Variants in RSPO3 observed in about 807,000 individuals in gnomAD.
The protein encoded by RSPO3 is R-spondin 3, also known as R-spondin-3.
A neutral mutation model predicts 36.5 loss-of-function variants in RSPO3; 17 were observed. The ratio of observed to expected loss-of-function variants is 0.47; its 90% CI spans 0.32 to 0.70. The LOEUF (loss-of-function observed/expected upper bound fraction) is 0.70, where lower values mean the gene tolerates loss of function less well. Ranked by LOEUF, RSPO3 falls within the 30% of genes least tolerant of loss-of-function variation. The pLI is 0.04. For missense variants in RSPO3, 294 were observed against 322.5 expected, an observed-to-expected ratio of 0.91 and a Z score of 0.68; for synonymous variants, 108 against 107.0, an observed-to-expected ratio of 1.01 and a Z score of -0.06.
At position 127,155,171 on chromosome 6, in the gene RSPO3, CTTT is replaced by C. The variant is rs1774567788; in HGVS notation, c.437-65_437-63del. ...TGGGCAAGTTCTGATGGAAGCAAATCTTTTTTTAACTCAACAATAGTGAAAGTG... is the reference window on the plus strand; with the variant it reads ...TGGGCAAGTTCTGATGGAAGCAAATCTTTTAACTCAACAATAGTGAAAGTG... On this transcript the variant is annotated intron_variant, in intron 3 of 4. Transcript: ENST00000356698. The C allele has an allele frequency of 2.7e-6, 4 of 1,493,960 alleles. No homozygotes were observed. The Admixed American group carries it at 5.1e-5, about 19-fold the overall frequency. 92.5% of individuals were successfully genotyped at this position (1,493,960 alleles called of 1,614,324 possible).
chr6:127,142,506 A>T (rs1774293372), intron 1 of RSPO3, among the ~76,000 whole-genome samples: 1 of 152,218 alleles, frequency 6.6e-6, no homozygotes. Context: ...CTTCGTACTA[A>T]TCAAGTCCCA....
intron 1 of RSPO3, among the ~76,000 whole-genome samples, chr6:127,145,410 A>G (rs1774363725): frequency 6.6e-6 from 1 of 152,068 alleles, no homozygotes; most frequent in African/African-American, 2.4e-5. Context: ...TCCAATTCAA[A>G]TCTTAAATTT....
At chr6:127,144,223 G>C (rs1042759574) in intron 1 of RSPO3, among the ~76,000 whole-genome samples, 1 of 152,056 alleles carries the variant, frequency 6.6e-6, no homozygotes, top group African/African-American at 2.4e-5. Context: ...CTGTGTATGT[G>C]ACACATTTTT....
At chr6:127,177,175 TA>T (rs1439114449) in intron 4 of RSPO3, among the ~76,000 whole-genome samples, 1 of 151,868 alleles carries the variant, frequency 6.6e-6, no homozygotes, top group Non-Finnish European at 1.5e-5. Context: ...TTTCAAAGAA[TA>T]ACAAATAACC....
At chr6:127,168,178 A>C (rs557455248) in intron 4 of RSPO3, among the ~76,000 whole-genome samples, 1 of 152,250 alleles carries the variant, frequency 6.6e-6, no homozygotes, top group East Asian at 1.9e-4. Flanking sequence ...GAATCGCCAC[A>C]CTGTCTTCCA....
At position 127,195,876 on chromosome 6, in the gene RSPO3, G is replaced by T. The variant is rs757955879; in HGVS notation, c.688G>T (p.Glu230Ter). The T allele has an allele frequency of 4.4e-6, 7 of 1,608,264 alleles. No homozygotes were observed. In the Admixed American group the frequency reaches 1.2e-4, roughly 27 times the overall value. ...AAAACCTAATAAAGGAGAAAGTAAA[G>T]AAGCAATACCTGACAGCAAAAGTCT... Reference protein sequence around the residue: ...RKKPNKGESKEAIPDSKSLES... With the variant: ...RKKPNKGESK The change falls in exon 5 of 5, where the codon GAA (glutamate) becomes TAA (stop). Residue 230 changes from glutamate (E) to a stop codon, truncating the protein, a stop_gained. Transcript: ENST00000356698. LOFTEE classifies it high-confidence loss of function.
In RSPO3 at chr6:127,198,556, T is replaced by C. The variant is rs972863162; in HGVS notation, c.*2549T>C. Among the ~76,000 whole-genome samples, 1 of 152,210 alleles carries C rather than the reference T, an allele frequency of 6.6e-6. No individual in the cohort carries two copies. The highest frequency in any genetic ancestry group is 1.5e-5 in the Non-Finnish European group (1 of 68,044). The stretch of plus-strand genomic sequence containing the variant: ...GTTTACCCCATCAACAGATGGTCGG[T>C]AAATTATTGATTCGAAGAATCGAGA... On this transcript the variant is annotated 3_prime_UTR_variant, in exon 5 of 5. Coordinates refer to ENST00000356698, the MANE Select transcript of RSPO3 (RefSeq NM_032784.5).
chr6:127,135,193 G>A (rs1046070532), intron 1 of RSPO3, among the ~76,000 whole-genome samples: 3 of 152,078 alleles, frequency 2.0e-5, no homozygotes, highest in Admixed American at 1.3e-4. Flanking sequence ...AGGCCAAGGC[G>A]GGCAGATTAC....
rs374455791 is a variant in RSPO3, at chr6:127,138,236, G to A, written c.98-10412G>A. 1.1e-4 allele frequency among the ~76,000 whole-genome samples: 16 copies of A among 151,870 alleles called. No individual in the cohort carries two copies. The South Asian group carries it at 1.3e-3, about 12-fold the overall frequency. On this transcript the variant is annotated intron_variant, in intron 1 of 4. Transcript: ENST00000356698. Reference sequence around the variant, plus strand: ...GTACCATATAGACCTTTGGTTTCTCGGTACCATATTGATATCATTTCTATG... The same window carrying A: ...GTACCATATAGACCTTTGGTTTCTCAGTACCATATTGATATCATTTCTATG...
rs534971659 is a variant in RSPO3, at chr6:127,177,673, T to A, written c.635-18150T>A. Among the ~76,000 whole-genome samples, 3 of 151,978 alleles carry A rather than the reference T, an allele frequency of 2.0e-5. No individual in the cohort carries two copies. The East Asian group carries it at 5.8e-4, about 30-fold the overall frequency. ...GAAATGGTAAAACAAGAATAGAAGT[T>A]TTAAAATAGGTAAATTGAAAATATT... On this transcript the variant is annotated intron_variant, in intron 4 of 4. Transcript: ENST00000356698.
At position 127,144,643 on chromosome 6, in the gene RSPO3, G is replaced by GTTTTTTTTTTTTT. The variant is rs56388820; in HGVS notation, c.98-4004_98-3992dup. Among the ~76,000 whole-genome samples the GTTTTTTTTTTTTT allele has an allele frequency of 2.7e-4, 27 of 99,120 alleles. 5 individuals carry two copies. Among genetic ancestry groups the GTTTTTTTTTTTTT allele is most frequent in the South Asian group, 7.0e-4 (2 of 2,852 alleles). The allele number at this position is 99,120 out of a possible 152,430, so 65.0% of individuals were successfully genotyped here. ...TGTAATTTTTCAGTAGCTTCCCCTT[G>GTTTTTTTTTTTTT]TTTTTTTTTTTTTCAGACAGAGTCT... On this transcript the variant is annotated intron_variant, in intron 1 of 4. Coordinates refer to ENST00000356698, the MANE Select transcript of RSPO3 (RefSeq NM_032784.5).
At chr6:127,147,651 T>C (rs796965563) in intron 1 of RSPO3, among the ~76,000 whole-genome samples, 36 of 152,286 alleles carry the variant, frequency 2.4e-4, no homozygotes, top group African/African-American at 7.9e-4. Flanking sequence ...TTTAAAGTTG[T>C]GATGATCTTA....
At chr6:127,154,573 A>G (rs1174236778) in intron 3 of RSPO3, among the ~76,000 whole-genome samples, 2 of 152,152 alleles carry the variant, frequency 1.3e-5, no homozygotes, top group African/African-American at 4.8e-5. Context: ...TCAGTAACAG[A>G]TATCAATATT....
chr6:127,135,201 T>C (rs1774130125), intron 1 of RSPO3, among the ~76,000 whole-genome samples: 1 of 151,134 alleles, frequency 6.6e-6, no homozygotes, highest in Non-Finnish European at 1.5e-5. Flanking sequence ...GCGGGCAGAT[T>C]ACGAGGTCAA....
chr6:127,154,354 G>A (rs1447442637), intron 3 of RSPO3, among the ~76,000 whole-genome samples: 3 of 151,990 alleles, frequency 2.0e-5, no homozygotes, highest in African/African-American at 4.8e-5. Flanking sequence ...TTCTTTAGAA[G>A]TTCAAAAATC....
intron 4 of RSPO3, among the ~76,000 whole-genome samples, chr6:127,194,508 G>T (rs1228092612): frequency 6.6e-6 from 1 of 152,114 alleles, no homozygotes; most frequent in Non-Finnish European, 1.5e-5. Flanking sequence ...CTACACTGTA[G>T]ACTACATATA....
chr6:127,153,450 T>A (rs1317937173), intron 3 of RSPO3, among the ~76,000 whole-genome samples: 1 of 152,060 alleles, frequency 6.6e-6, no homozygotes, highest in East Asian at 1.9e-4. Flanking sequence ...GTGTTTTAAC[T>A]CTCTGGTCTC....
chr6:127,197,487 CT>C lies in RSPO3; in HGVS notation c.*1482del. The C allele has an allele frequency of 1.3e-6, 2 of 1,550,626 alleles. No individual in the cohort carries two copies. The highest frequency in any genetic ancestry group is 1.7e-6 in the Non-Finnish European group (2 of 1,146,988). ...GTTTCACAGAGGACACAGCCCACCCCTTGCAGGAGGAGGTATCTCTGAGTGT... is the reference window on the plus strand; with the variant it reads ...GTTTCACAGAGGACACAGCCCACCCCTGCAGGAGGAGGTATCTCTGAGTGT... On this transcript the variant is annotated 3_prime_UTR_variant, in exon 5 of 5. Coordinates refer to ENST00000356698, the MANE Select transcript of RSPO3 (RefSeq NM_032784.5).
intron 1 of RSPO3, among the ~76,000 whole-genome samples, chr6:127,138,693 G>A (rs1774209478): frequency 6.6e-6 from 1 of 152,014 alleles, no homozygotes; most frequent in African/African-American, 2.4e-5. Flanking sequence ...AGGAAACCTA[G>A]GCTCAAAAAA....
Sources: gnomAD v4.1 joint callset for allele counts (sites outside exome capture counted in the v4.1 genomes callset) on GRCh38, gnomAD v4.1.1 for gene constraint, MANE v1.5 for transcripts, NCBI Gene and HGNC (gene_info 2026-07-23, HGNC 2026-07-21) for gene names.